CCBE1: variants seen among roughly 807,000 people sequenced by gnomAD.
CCBE1 encodes collagen and calcium-binding EGF domain-containing protein 1.
Under a neutral mutation model 50.0 loss-of-function variants are expected in CCBE1, and 37 were observed. That is an observed-to-expected ratio of 0.74 (90% confidence interval 0.57 to 0.97). CCBE1 has a LOEUF of 0.97. Ranked by LOEUF, CCBE1 falls within the 50% of genes least tolerant of loss-of-function variation. The pLI is 0.00. For synonymous variants in CCBE1, 234 were observed against 203.7 expected, an observed-to-expected ratio of 1.15 and a Z score of -1.27; for missense variants, 538 against 523.8, an observed-to-expected ratio of 1.03 and a Z score of -0.26.
In CCBE1 at chr18:59,594,738, C is replaced by A. The variant is rs549165922; in HGVS notation, c.212+101891G>T. Among the ~76,000 whole-genome samples, 147 of 152,110 alleles carry A rather than the reference C, an allele frequency of 9.7e-4. 2 individuals carry two copies. The highest frequency in any genetic ancestry group is 3.4e-3 in the African/African-American group (140 of 41,494). ...CTTTGTCAACAGTACATCTTTAACC[C>A]GAGTCTGCACCCTATGAGTAGGGAT... is the stretch of plus-strand genomic sequence containing the variant. On this transcript the variant is annotated intron_variant, in intron 2 of 10. Transcript: ENST00000439986.
intron 2 of CCBE1, among the ~76,000 whole-genome samples, chr18:59,498,196 C>CTT (rs138660913): frequency 2.0e-5 from 3 of 149,192 alleles, no homozygotes; most frequent in South Asian, 2.1e-4. Context: ...CAACCAAGAT[C>CTT]TTTTTTTTTT....
At chr18:59,446,652 C>A (rs1044053493) in intron 7 of CCBE1, among the ~76,000 whole-genome samples, 1 of 152,182 alleles carries the variant, frequency 6.6e-6, no homozygotes, top group African/African-American at 2.4e-5. Flanking sequence ...ACTTTCCAAC[C>A]GAAAACCCAC....
At chr18:59,531,184 G>A (rs545971666) in intron 2 of CCBE1, among the ~76,000 whole-genome samples, 27 of 152,182 alleles carry the variant, frequency 1.8e-4, no homozygotes, top group African/African-American at 6.5e-4. Context: ...AAATCAGCTT[G>A]TTGGCCATGC....
Position 59,697,358 on chromosome 18 carries a change from C to T in CCBE1, c.-16G>A, listed in dbSNP as rs1282977156. On this transcript the variant is annotated 5_prime_UTR_variant, in exon 1 of 11. Coordinates refer to ENST00000439986, the MANE Select transcript of CCBE1 (RefSeq NM_133459.4). The stretch of plus-strand genomic sequence containing the variant: ...GCGGCACCATCAGGGAAGCTCCCGG[C>T]TTCTTCCCAGCGCCGAGCTCCGTCC... The T allele has an allele frequency of 1.3e-6, 2 of 1,544,470 alleles. No homozygotes were observed. Among genetic ancestry groups the T allele is most frequent in the Admixed American group, 2.0e-5 (1 of 51,028 alleles).
In CCBE1 at chr18:59,692,897, C is replaced by T. The variant is rs1198027316; in HGVS notation, c.212+3732G>A. 2.7e-5 allele frequency among the ~76,000 whole-genome samples: 4 copies of T among 150,224 alleles called. 1 individual carries two copies. Among genetic ancestry groups the T allele is most frequent in the Non-Finnish European group, 4.4e-5 (3 of 67,700 alleles). On this transcript the variant is annotated intron_variant, in intron 2 of 10. Transcript: ENST00000439986. ...TCCATGAACCCCAAAGCCAAAATCA[C>T]AGCGAGTTTTTAAAAAGCATTTAAC...
intron 6 of CCBE1, 80 bp from the exon 7 acceptor site, chr18:59,448,183 C>T: frequency 6.3e-7 from 1 of 1,593,104 alleles, no homozygotes; most frequent in Non-Finnish European, 8.5e-7. Context: ...GGAGAAGCTG[C>T]AAAGCCTTTT....
At chr18:59,531,292 G>A (rs538338460) in intron 2 of CCBE1, among the ~76,000 whole-genome samples, 4 of 152,032 alleles carry the variant, frequency 2.6e-5, no homozygotes, top group Non-Finnish European at 5.9e-5. Flanking sequence ...TGTGAAAGAT[G>A]AGAAGAGACA....
intron 2 of CCBE1, among the ~76,000 whole-genome samples, chr18:59,638,779 T>C (rs1470276990): frequency 6.6e-6 from 1 of 152,172 alleles, no homozygotes; most frequent in Non-Finnish European, 1.5e-5. Flanking sequence ...AATACAACTT[T>C]AAAAGGATAG....
At chr18:59,449,143 A>G (rs1910814486) in intron 6 of CCBE1, among the ~76,000 whole-genome samples, 1 of 152,198 alleles carries the variant, frequency 6.6e-6, no homozygotes, top group African/African-American at 2.4e-5. Flanking sequence ...AGGCAGACTT[A>G]CCTTTAAATC....
chr18:59,616,785 A>G (rs2053642474), intron 2 of CCBE1, among the ~76,000 whole-genome samples: 1 of 152,252 alleles, frequency 6.6e-6, no homozygotes, highest in African/African-American at 2.4e-5. Flanking sequence ...CAATGGCCGC[A>G]ATGTGGTAAA....
At chr18:59,513,138 T>C (rs915874850) in intron 2 of CCBE1, among the ~76,000 whole-genome samples, 1 of 152,002 alleles carries the variant, frequency 6.6e-6, no homozygotes, top group African/African-American at 2.4e-5. Flanking sequence ...CAAAACCCCA[T>C]CTCCACTAAA....
intron 2 of CCBE1, among the ~76,000 whole-genome samples, chr18:59,608,075 G>A (rs543295360): frequency 6.6e-5 from 10 of 152,288 alleles, no homozygotes; most frequent in South Asian, 6.2e-4. Flanking sequence ...AGCTGAGATC[G>A]TGCCACTGCA....
At chr18:59,479,945 C>T (rs1343157792) in intron 3 of CCBE1, among the ~76,000 whole-genome samples, 1 of 152,214 alleles carries the variant, frequency 6.6e-6, no homozygotes, top group Non-Finnish European at 1.5e-5. Context: ...AATCATAAAA[C>T]CTGAAATACT....
chr18:59,539,911 T>A (rs1453322027), intron 2 of CCBE1, among the ~76,000 whole-genome samples: 3 of 152,228 alleles, frequency 2.0e-5, no homozygotes, highest in Non-Finnish European at 4.4e-5. Flanking sequence ...AAATAATTTA[T>A]AATAAATAAG....
At chr18:59,612,815 G>GTTTTTTTTTTTTTTTTT (rs796066639) in intron 2 of CCBE1, among the ~76,000 whole-genome samples, 1 of 114,938 alleles carries the variant, frequency 8.7e-6, no homozygotes. Flanking sequence ...AATCTCAAGG[G>GTTTTTTTTTTTTTTTTT]TTTTTTTTTT....
At chr18:59,509,818 A>G (rs75154164) in intron 2 of CCBE1, among the ~76,000 whole-genome samples, 52,737 of 152,056 alleles carry the variant, frequency 0.35, 9,639 homozygotes, top group East Asian at 0.45. Context: ...TTACTAAATT[A>G]CTAAATTACT....
intron 5 of CCBE1, chr18:59,455,350 G>T: frequency 2.9e-6 from 1 of 344,190 alleles, no homozygotes; most frequent in Non-Finnish European, 5.7e-6. Flanking sequence ...CCAAGTGCAG[G>T]CACTGGGCCT....
chr18:59,533,136 T>C (rs1915114968), intron 2 of CCBE1, among the ~76,000 whole-genome samples: 1 of 152,238 alleles, frequency 6.6e-6, no homozygotes, highest in South Asian at 2.1e-4. Flanking sequence ...AGTTAATATA[T>C]GTTCAAACAA....
intron 2 of CCBE1, among the ~76,000 whole-genome samples, chr18:59,505,107 A>G (rs921657753): frequency 6.6e-6 from 1 of 152,190 alleles, no homozygotes; most frequent in Admixed American, 6.5e-5. Flanking sequence ...TTCCAACTCT[A>G]AAATTTGATA....
Sources: allele counts gnomAD v4.1 joint callset (sites outside exome capture counted in the v4.1 genomes callset), GRCh38; gene constraint gnomAD v4.1.1; transcripts MANE v1.5; gene names NCBI Gene and HGNC (gene_info 2026-07-23, HGNC 2026-07-21).